The following RBFOX1 variants were observed in gnomAD, a reference collection of about 807,000 sequenced individuals.
The protein encoded by RBFOX1 is RNA binding protein fox-1 homolog 1.
A neutral mutation model predicts 57.7 loss-of-function variants in RBFOX1; 8 were observed. The ratio of observed to expected loss-of-function variants is 0.14; its 90% CI spans 0.08 to 0.25. RBFOX1 has a LOEUF of 0.25. Among genes scored for constraint, RBFOX1 ranks in the 10% least tolerant of loss-of-function variants. RBFOX1 has a pLI of 1.00. For missense variants in RBFOX1, 611 were observed against 548.5 expected (o/e 1.11, Z -1.14); for synonymous variants, 326 against 222.4 (o/e 1.47, Z -4.15).
At chr16:5,398,031 G>C (rs1410566819) in intron 1 of RBFOX1, among the ~76,000 whole-genome samples, 1 of 151,828 alleles carries the variant, frequency 6.6e-6, no homozygotes, top group Non-Finnish European at 1.5e-5. Flanking sequence ...GCATTTAATT[G>C]AATTGTGGTT....
chr16:7,218,628 C>CTCTGTGTGTGTG (rs1206468606), intron 4 of RBFOX1, among the ~76,000 whole-genome samples: 38 of 127,536 alleles, frequency 3.0e-4, no homozygotes, highest in African/African-American at 1.2e-3. Flanking sequence ...TGGGGGTTTG[C>CTCTGTGTGTGTG]TGTGTGTGTG....
chr16:5,693,377 AC>A (rs1567406039), intron 3 of RBFOX1, among the ~76,000 whole-genome samples: 9 of 150,402 alleles, frequency 6.0e-5, no homozygotes, highest in African/African-American at 1.7e-4. Context: ...CAAAAAAAAA[AC>A]AAAAACAAAA....
chr16:7,502,788 C>T (rs2071409456), intron 4 of RBFOX1, among the ~76,000 whole-genome samples: 1 of 152,028 alleles, frequency 6.6e-6, no homozygotes, highest in South Asian at 2.1e-4. Context: ...CTTTGAAAGG[C>T]CAAGATGGGC....
chr16:7,528,028 C>T (rs898095079), intron 5 of RBFOX1, among the ~76,000 whole-genome samples: 1 of 152,158 alleles, frequency 6.6e-6, no homozygotes, highest in East Asian at 1.9e-4. Context: ...TCAGTACAAG[C>T]TGTTCTTGGT....
Position 6,679,032 on chromosome 16 carries a change from T to G in RBFOX1, c.-16+24382T>G, listed in dbSNP as rs2058209611. Among the ~76,000 whole-genome samples, 4 of 152,238 alleles carry G rather than the reference T, an allele frequency of 2.6e-5. No homozygotes were observed. The South Asian group carries it at 6.2e-4, about 24-fold the overall frequency. On this transcript the variant is annotated intron_variant, in intron 3 of 15. Transcript: ENST00000550418. ...ATGTCAAAGAGATCGACTCTGCGTG[T>G]TGCTATTATATCTCTAACACCTCTC...
rs1028186102 is a variant in RBFOX1 at position 5,773,688 on chromosome 16, A to G, written c.319-93615A>G. Among the ~76,000 whole-genome samples, 5 of 152,256 alleles carry G rather than the reference A, an allele frequency of 3.3e-5. No individual in the cohort carries two copies. In the South Asian group the frequency reaches 8.3e-4, roughly 25 times the overall value. ...AAATAGAATTGCCAGGTGGAAAAGCATGTGCATTTTTATTTTATTTTATTT... is the reference window on the plus strand; with the variant it reads ...AAATAGAATTGCCAGGTGGAAAAGCGTGTGCATTTTTATTTTATTTTATTT... On this transcript the variant is annotated intron_variant, in intron 3 of 19. Coordinates refer to the RBFOX1 transcript ENST00000641259.
chr16:6,521,960 A>G (rs1358012669), intron 2 of RBFOX1, among the ~76,000 whole-genome samples: 1 of 152,166 alleles, frequency 6.6e-6, no homozygotes, highest in Non-Finnish European at 1.5e-5. Flanking sequence ...CAGGAATTAA[A>G]AGTTCAGCTC....
chr16:7,214,271 C>T (rs544452943), intron 4 of RBFOX1, among the ~76,000 whole-genome samples: 27 of 152,224 alleles, frequency 1.8e-4, no homozygotes, highest in African/African-American at 5.5e-4. Context: ...GAATTTCTTA[C>T]GCATATGGGA....
chr16:7,444,115 T>C (rs921579944), intron 4 of RBFOX1, among the ~76,000 whole-genome samples: 2 of 152,264 alleles, frequency 1.3e-5, no homozygotes, highest in Admixed American at 1.3e-4. Flanking sequence ...CACGTTATTA[T>C]ACTAAACCAA....
In RBFOX1 at chr16:6,071,498, A is replaced by T. The variant is rs1000612287; in HGVS notation, c.-127+51506A>T. Reference sequence around the variant, plus strand: ...ATAACATGAGTTTACCGATATAACAAACCTGCATGTGTAGTCCTGAACTTA... The same window carrying T: ...ATAACATGAGTTTACCGATATAACATACCTGCATGTGTAGTCCTGAACTTA... On this transcript the variant is annotated intron_variant, in intron 1 of 15. Coordinates refer to ENST00000550418, the MANE Select transcript of RBFOX1 (RefSeq NM_018723.4). Among the ~76,000 whole-genome samples the T allele has an allele frequency of 2.0e-5, 3 of 151,806 alleles. No homozygotes were observed. The South Asian group carries it at 6.2e-4, about 32-fold the overall frequency.
At chr16:6,395,858 G>T (rs1028354430) in intron 2 of RBFOX1, among the ~76,000 whole-genome samples, 3 of 152,002 alleles carry the variant, frequency 2.0e-5, no homozygotes, top group African/African-American at 7.2e-5. Flanking sequence ...CTGAGCTCAG[G>T]AGTTCATGAG....
chr16:6,780,532 A>ATATATT (rs2080805080), intron 3 of RBFOX1, among the ~76,000 whole-genome samples: 2 of 125,426 alleles, frequency 1.6e-5, no homozygotes, highest in African/African-American at 6.3e-5. Context: ...ATATATATTT[A>ATATATT]TATATACATT....
chr16:6,364,227 AG>A (rs1311417782), intron 2 of RBFOX1, among the ~76,000 whole-genome samples: 4 of 152,354 alleles, frequency 2.6e-5, no homozygotes, highest in African/African-American at 9.6e-5. Flanking sequence ...AGAATTCAAA[AG>A]TGCTTTCTCC....
rs568408971 is a variant in RBFOX1 at position 5,464,000 on chromosome 16, C to G, written c.220-3216C>G. The stretch of plus-strand genomic sequence containing the variant: ...CATAACCAGGCCTGGGAGAATCATG[C>G]TGTGCACAGCTGCAATGGATCAATA... On this transcript the variant is annotated intron_variant, in intron 1 of 2. Transcript: ENST00000585867. Among the ~76,000 whole-genome samples, 5 of 152,210 alleles carry G rather than the reference C, an allele frequency of 3.3e-5. No homozygotes were observed. The South Asian group carries it at 1.0e-3, about 32-fold the overall frequency.
intron 1 of RBFOX1, among the ~76,000 whole-genome samples, chr16:5,299,834 C>A (rs1289538382): frequency 3.9e-5 from 6 of 151,966 alleles, no homozygotes; most frequent in Non-Finnish European, 2.9e-5. Context: ...ATTGTGGATA[C>A]AAGTGGGGAT....
intron 2 of RBFOX1, among the ~76,000 whole-genome samples, chr16:6,599,732 C>T (rs1424663182): frequency 6.6e-6 from 1 of 152,186 alleles, no homozygotes; most frequent in African/African-American, 2.4e-5. Context: ...CATCCCAGTG[C>T]TCACCACCTA....
chr16:6,056,061 A>G (rs1014353571), intron 1 of RBFOX1, among the ~76,000 whole-genome samples: 1 of 152,198 alleles, frequency 6.6e-6, no homozygotes, highest in African/African-American at 2.4e-5. Flanking sequence ...ATAGAGGGGC[A>G]AAGTGGGTAG....
At chr16:5,587,441 G>T (rs150679438) in intron 2 of RBFOX1, among the ~76,000 whole-genome samples, 2 of 152,304 alleles carry the variant, frequency 1.3e-5, no homozygotes, top group East Asian at 3.9e-4. Flanking sequence ...GGCCTGGTGC[G>T]GTCGCTCACG....
intron 4 of RBFOX1, among the ~76,000 whole-genome samples, chr16:7,284,882 T>C (rs2095618097): frequency 1.3e-5 from 2 of 151,700 alleles, no homozygotes; most frequent in Admixed American, 1.3e-4. Flanking sequence ...TGTTCCTTCT[T>C]TATTGCCTGA....
Sources: gnomAD v4.1 joint callset for allele counts (sites outside exome capture counted in the v4.1 genomes callset) on GRCh38, gnomAD v4.1.1 for gene constraint, MANE v1.5 for transcripts, NCBI Gene and HGNC (gene_info 2026-07-23, HGNC 2026-07-21) for gene names.